RAPGEF3: variants seen among roughly 807,000 people sequenced by gnomAD.
The protein encoded by RAPGEF3 is Rap guanine nucleotide exchange factor 3.
RAPGEF3 carries 103 observed loss-of-function variants against 129.8 expected under a neutral mutation model. That is an observed-to-expected ratio of 0.79 (90% CI 0.68 to 0.93). RAPGEF3 has a LOEUF of 0.93. Among genes scored for constraint, RAPGEF3 ranks in the 40% least tolerant of loss-of-function variants. The pLI, the probability that RAPGEF3 is intolerant of heterozygous loss-of-function variation, is 0.00. For synonymous variants in RAPGEF3, 436 were observed against 482.6 expected (o/e 0.90, Z 1.26); for missense variants, 1,117 against 1,207.4 (o/e 0.93, Z 1.11).
chr12:47,743,777 A>G, intron 17 of RAPGEF3, 101 bp from the exon 18 acceptor site: 1 of 1,498,598 alleles, frequency 6.7e-7, no homozygotes, highest in Non-Finnish European at 9.1e-7. Context: ...GATCCCCAAG[A>G]GGCTGAGCTG....
chr12:47,738,335 G>T, intron 25 of RAPGEF3, 88 bp from the exon 26 acceptor site: 1 of 1,528,142 alleles, frequency 6.5e-7, no homozygotes, highest in Non-Finnish European at 9.0e-7. Context: ...AGCTCCCTCT[G>T]AACCAAGGAT....
In RAPGEF3 at chr12:47,751,723, C is replaced by G; in HGVS notation, c.380G>C (p.Arg127Pro). The change falls in exon 4 of 28, where the codon CGG (arginine) becomes CCG (proline). Residue 127 changes from arginine to proline, a missense_variant and splice_region_variant. By Grantham distance (103) the Arg-to-Pro change is moderately radical. Transcript: ENST00000449771. ...RDRKYHLRLY[R>P]QCCSGRELVD... Reference sequence around the variant, plus strand: ...AGGAGGCAGCAGGGCCTCCACTCACCGATAGAGCCTAAGGTGGTACTTCCG... The same window carrying G: ...AGGAGGCAGCAGGGCCTCCACTCACGGATAGAGCCTAAGGTGGTACTTCCG... 1.2e-6 allele frequency: 2 copies of G among 1,612,584 alleles called. No individual in the cohort carries two copies. Among genetic ancestry groups the G allele is most frequent in the Non-Finnish European group, 1.7e-6 (2 of 1,179,954 alleles).
At chr12:47,748,984 CCT>C in intron 10 of RAPGEF3, 53 bp from the exon 11 acceptor site, 1 of 1,402,560 alleles carries the variant, frequency 7.1e-7, no homozygotes, top group African/African-American at 1.4e-5. Context: ...AGCTTTAGAC[CCT>C]CTCATCTACC....
chr12:47,757,995 G>C lies in RAPGEF3; in HGVS notation c.90C>G (p.Ala30=). ...SPALGAPRVG[A]LPDVVPEGTL... is the part of the protein sequence containing the mutation. ...TCCCCTCCGGCACCACGTCAGGGAG[G>C]GCTCCCACCCGCGGTGCTCCCAGAG... The change falls in exon 2 of 28, where the codon GCC becomes GCG. Residue 30 remains alanine, a synonymous_variant. Coordinates refer to ENST00000449771, the MANE Select transcript of RAPGEF3 (RefSeq NM_001098531.4). 6.4e-7 allele frequency: 1 copy of C among 1,573,214 alleles called. No homozygotes were observed. The highest frequency in any genetic ancestry group is 8.6e-7 in the Non-Finnish European group (1 of 1,158,924).
At chr12:47,746,982 C>T in intron 15 of RAPGEF3, 83 bp from the exon 16 acceptor site, 1 of 1,356,978 alleles carries the variant, frequency 7.4e-7, no homozygotes, top group Non-Finnish European at 1.0e-6. Flanking sequence ...TCTGGATTCT[C>T]CCCGGCCCTC....
At chr12:47,738,930 C>T (rs991905202) in intron 24 of RAPGEF3, 176 bp from the exon 25 acceptor site, 8 of 712,882 alleles carry the variant, frequency 1.1e-5, no homozygotes, top group African/African-American at 3.6e-5. Context: ...GAAGGCAGCC[C>T]GTATTTGTCT....
At chr12:47,742,913 T>C (rs1169553899) in intron 18 of RAPGEF3, among the ~76,000 whole-genome samples, 1 of 152,214 alleles carries the variant, frequency 6.6e-6, no homozygotes, top group African/African-American at 2.4e-5. Flanking sequence ...GGCTCATAGC[T>C]GATCCTCAAA....
chr12:47,740,697 G>A lies in RAPGEF3; in HGVS notation c.2176C>T (p.Pro726Ser), dbSNP rs956562354. 1.9e-6 allele frequency: 3 copies of A among 1,613,816 alleles called. No homozygotes were observed. The highest frequency in any genetic ancestry group is 2.5e-6 in the Non-Finnish European group (3 of 1,179,994). Residue 726 changes from proline to serine, a missense_variant, in exon 21 of 28, where the codon CCC (proline) becomes TCC (serine). By Grantham distance (74) the Pro-to-Ser change is moderately conservative. Coordinates refer to ENST00000449771, the MANE Select transcript of RAPGEF3 (RefSeq NM_001098531.4). The part of the protein sequence containing the change: ...YWVATELCLC[P>S]VPGPRAQLLR... Reference sequence around the variant, plus strand: ...AGCTGGGCCCGGGGGCCGGGCACGGGGCAGAGACACAGCTCGGTGGCCACC... The same window carrying A: ...AGCTGGGCCCGGGGGCCGGGCACGGAGCAGAGACACAGCTCGGTGGCCACC...
At chr12:47,750,460 A>C (rs757279) in intron 6 of RAPGEF3, 35 bp from the exon 7 acceptor site, 1,280,992 of 1,583,536 alleles carry the variant, frequency 0.81, 519,834 homozygotes, top group East Asian at 0.92. Flanking sequence ...CACACTGTGA[A>C]CTGTGGGCCC....
chr12:47,750,658 G>A (rs530978147), intron 6 of RAPGEF3, among the ~76,000 whole-genome samples: 11 of 152,314 alleles, frequency 7.2e-5, no homozygotes, highest in Non-Finnish European at 1.5e-4. Flanking sequence ...TCACTTGACA[G>A]AACAGGAACT....
rs760325526 is a variant in RAPGEF3 at position 47,758,016 on chromosome 12, C to T, written c.69G>A (p.Leu23=). The part of the protein sequence containing the change: ...VGLAVEDSPA[L]GAPRVGALPD... ...GGAGGGCTCCCACCCGCGGTGCTCC[C>T]AGAGCTGGGCTATCCTCCACAGCCA... The change falls in exon 2 of 28, where the codon CTG becomes CTA. Residue 23 remains leucine, a synonymous_variant. Transcript: ENST00000449771. 1.3e-6 allele frequency: 2 copies of T among 1,575,908 alleles called. No homozygotes were observed. Among genetic ancestry groups the T allele is most frequent in the African/African-American group, 1.3e-5 (1 of 74,314 alleles).
At chr12:47,757,586 C>A (rs1042818352) in intron 2 of RAPGEF3, among the ~76,000 whole-genome samples, 3 of 152,218 alleles carry the variant, frequency 2.0e-5, no homozygotes, top group Non-Finnish European at 2.9e-5. Context: ...TCAATGCCGG[C>A]TCACTGAGGT....
chr12:47,748,748 A>C, intron 11 of RAPGEF3, 71 bp downstream of exon 11: 1 of 1,251,396 alleles, frequency 8.0e-7, no homozygotes, highest in East Asian at 2.3e-5. Flanking sequence ...GATATGACAC[A>C]GGGGAAGGGA....
Position 47,740,710 on chromosome 12 carries a change from C to T in RAPGEF3, c.2163G>A (p.Glu721=), listed in dbSNP as rs376372511. ...FNELQYWVAT[E]LCLCPVPGPR... is the part of the protein sequence containing the mutation. ...GGCCGGGCACGGGGCAGAGACACAG[C>T]TCGGTGGCCACCCAGTACTGCAGCT... is the stretch of plus-strand genomic sequence containing the variant. Residue 721 remains glutamate, a synonymous_variant, in exon 21 of 28, where the codon GAG becomes GAA. Coordinates refer to ENST00000449771, the MANE Select transcript of RAPGEF3 (RefSeq NM_001098531.4). 1.1e-5 allele frequency: 18 copies of T among 1,613,968 alleles called. No individual in the cohort carries two copies. The African/African-American group carries it at 2.4e-4, about 21-fold the overall frequency.
chr12:47,741,467 T>C, intron 19 of RAPGEF3, 38 bp downstream of exon 19: 1 of 1,567,356 alleles, frequency 6.4e-7, no homozygotes, highest in East Asian at 2.2e-5. Context: ...TCAAAATAGA[T>C]CTCCTCCCTG....
At position 47,751,045 on chromosome 12, in the gene RAPGEF3, C is replaced by A; in HGVS notation, c.671+3G>T. The stretch of plus-strand genomic sequence containing the variant: ...GTCACGGGGTGCAGGGATTCTGACT[C>A]ACGGCTTTCGAAGTGCCACAGTGAG... On this transcript the variant is annotated splice_donor_region_variant and intron_variant, in intron 6 of 27. Coordinates refer to ENST00000449771, the MANE Select transcript of RAPGEF3 (RefSeq NM_001098531.4). 1 of 1,597,362 alleles carries A rather than the reference C, an allele frequency of 6.3e-7. No individual in the cohort carries two copies.
At position 47,737,588 on chromosome 12, in the gene RAPGEF3, G is replaced by C. The variant is rs1940855099; in HGVS notation, c.2751C>G (p.Leu917=). The part of the protein sequence containing the change: ...VIDNQRELSR[L]SRELEP ...CTCCTCATGGCTCCAGCTCTCGGGA[G>C]AGGCGGGAGAGTTCCCGCTGGTTGT... is the stretch of plus-strand genomic sequence containing the variant. Residue 917 remains leucine, a synonymous_variant, in exon 28 of 28, where the codon CTC becomes CTG. Coordinates refer to ENST00000449771, the MANE Select transcript of RAPGEF3 (RefSeq NM_001098531.4). 6.2e-7 allele frequency: 1 copy of C among 1,600,372 alleles called. No homozygotes were observed.
In RAPGEF3 at chr12:47,747,725, G is replaced by A. The variant is rs768499017; in HGVS notation, c.1460C>T (p.Thr487Ile). 6.2e-7 allele frequency: 1 copy of A among 1,610,718 alleles called. No homozygotes were observed. The highest frequency in any genetic ancestry group is 8.5e-7 in the Non-Finnish European group (1 of 1,179,506). ...GSMLHTDPVATSFLQKLSDLV... is the reference protein window; with the variant it reads ...GSMLHTDPVAISFLQKLSDLV... ...ACTCCCAGGTACCTGGAGGAAGCTG[G>A]TGGCCACAGGGTCAGTGTGGAGCAT... Residue 487 changes from threonine to isoleucine, a missense_variant, in exon 14 of 28, where the codon ACC becomes ATC. By Grantham distance (89) the Thr-to-Ile change is moderately conservative. Transcript: ENST00000449771.
intron 1 of RAPGEF3, 46 bp downstream of exon 1, chr12:47,758,505 C>A (rs1942239416): frequency 1.2e-6 from 2 of 1,604,888 alleles, no homozygotes; most frequent in Non-Finnish European, 1.7e-6. Flanking sequence ...AGCTTCCTCT[C>A]CCGCCCTCTC....
Sources: gnomAD v4.1 joint callset for allele counts (sites outside exome capture counted in the v4.1 genomes callset) on GRCh38, gnomAD v4.1.1 for gene constraint, MANE v1.5 for transcripts, NCBI Gene and HGNC (gene_info 2026-07-23, HGNC 2026-07-21) for gene names.